Variants in USP6NL observed in about 807,000 individuals in gnomAD.
USP6NL encodes USP6 N-terminal like.
In USP6NL, 26 loss-of-function variants were observed where a neutral mutation model predicts 61.9. That is an observed-to-expected ratio of 0.42 (90% CI 0.31 to 0.58). The LOEUF (loss-of-function observed/expected upper bound fraction) is 0.58. Among genes scored for constraint, USP6NL ranks in the 20% least tolerant of loss-of-function variants. USP6NL has a pLI of 0.16. For synonymous variants in USP6NL, 432 were observed against 390.1 expected (o/e 1.11, Z -1.27); for missense variants, 1,114 against 1,034.3 (o/e 1.08, Z -1.06).
At chr10:11,563,444 C>T (rs1837016891) in intron 2 of USP6NL, 1 of 152,022 alleles carries the variant, frequency 6.6e-6, no homozygotes, top group Admixed American at 6.6e-5. Flanking sequence ...GTCACACATA[C>T]ACCACACACA....
intron 2 of USP6NL, among the ~76,000 whole-genome samples, chr10:11,543,077 G>A (rs895527091): frequency 4.6e-5 from 7 of 152,068 alleles, no homozygotes; most frequent in Non-Finnish European, 7.4e-5. Context: ...TACTACTAAC[G>A]TATCATTATT....
At chr10:11,542,851 G>T (rs755754675) in intron 2 of USP6NL, among the ~76,000 whole-genome samples, 4 of 152,164 alleles carry the variant, frequency 2.6e-5, no homozygotes, top group Non-Finnish European at 5.9e-5. Flanking sequence ...CAGCAGCTGC[G>T]TCGACAGTAA....
In USP6NL at chr10:11,463,392, G is replaced by A; in HGVS notation, c.1536C>T (p.His512=). 2 of 1,614,032 alleles carry A rather than the reference G, an allele frequency of 1.2e-6. No individual in the cohort carries two copies. The highest frequency in any genetic ancestry group is 1.7e-6 in the Non-Finnish European group (2 of 1,179,906). Residue 512 remains histidine, a synonymous_variant, in exon 15 of 15, where the codon CAC becomes CAT. Transcript: ENST00000609104. This position sits in a 1 kb window ranked among gnomAD's most constrained non-coding sequence, Gnocchi z 6.3. ...CTGGGACGGTAACTGCGAGCGCGGG[G>A]TGCGCTGCTCGACCTTTGCCTTCCA... is the stretch of plus-strand genomic sequence containing the variant. ...YTMEGKGRAA[H]PALAVTVPGP...
rs570827914 is a variant in USP6NL at position 11,559,687 on chromosome 10, G to C, written c.5-32120C>G. Among the ~76,000 whole-genome samples the C allele has an allele frequency of 1.2e-4, 19 of 152,220 alleles. No individual in the cohort carries two copies. In the South Asian group the frequency reaches 3.5e-3, roughly 28 times the overall value. On this transcript the variant is annotated intron_variant, in intron 2 of 14. Coordinates refer to ENST00000609104, the MANE Select transcript of USP6NL (RefSeq NM_014688.5). Reference sequence around the variant, plus strand: ...AATCACAAAGTACAACCTAAGCCTGGATCTAACATCTTATAAACATAAATT... The same window carrying C: ...AATCACAAAGTACAACCTAAGCCTGCATCTAACATCTTATAAACATAAATT...
intron 5 of USP6NL, among the ~76,000 whole-genome samples, chr10:11,517,540 A>G (rs1591876175): frequency 6.6e-6 from 1 of 152,334 alleles, no homozygotes; most frequent in South Asian, 2.1e-4. Flanking sequence ...CATAGTTGCT[A>G]TTCAATTATG....
At chr10:11,522,097 GT>G (rs1235686784) in intron 4 of USP6NL, among the ~76,000 whole-genome samples, 13 of 152,220 alleles carry the variant, frequency 8.5e-5, no homozygotes, top group Admixed American at 2.0e-4. Flanking sequence ...GCAGAGCTCA[GT>G]TGGTTTGGCA....
intron 4 of USP6NL, among the ~76,000 whole-genome samples, chr10:11,519,199 C>A (rs920280975): frequency 6.6e-6 from 1 of 152,108 alleles, no homozygotes; most frequent in African/African-American, 2.4e-5. Context: ...AGCTTGCCAC[C>A]CTCTGCTTTA....
Position 11,578,391 on chromosome 10 carries a change from C to T in USP6NL, c.4+19240G>A, listed in dbSNP as rs142633868. On this transcript the variant is annotated intron_variant, in intron 2 of 14. Coordinates refer to ENST00000609104, the MANE Select transcript of USP6NL (RefSeq NM_014688.5). ...AATCTTTAATAGAAGTGGTTCTAACCGGCATACTTTTCTACTTTTTTAATT... is the reference window on the plus strand; with the variant it reads ...AATCTTTAATAGAAGTGGTTCTAACTGGCATACTTTTCTACTTTTTTAATT... Among the ~76,000 whole-genome samples, 488 of 152,264 alleles carry T rather than the reference C, an allele frequency of 3.2e-3. 2 individuals carry two copies. Among genetic ancestry groups the T allele is most frequent in the African/African-American group, 0.011 (447 of 41,526 alleles).
intron 2 of USP6NL, among the ~76,000 whole-genome samples, chr10:11,558,016 T>A (rs1836780939): frequency 6.6e-6 from 1 of 152,142 alleles, no homozygotes; most frequent in Non-Finnish European, 1.5e-5. Context: ...TCAGGCAGCA[T>A]CAAAAGCCTA....
rs1461779142 is a variant in USP6NL at position 11,574,808 on chromosome 10, T to G, written c.4+22823A>C. Among the ~76,000 whole-genome samples the G allele has an allele frequency of 6.6e-6, 1 of 152,220 alleles. No homozygotes were observed. The highest frequency in any genetic ancestry group is 1.9e-4 in the East Asian group (1 of 5,202). ...TTAAAGGCTTGTTATTTTCCCATTT[T>G]TCAGCTGGACAACTGAGCACAGTGA... On this transcript the variant is annotated intron_variant, in intron 2 of 14. Coordinates refer to ENST00000609104, the MANE Select transcript of USP6NL (RefSeq NM_014688.5). The surrounding 1 kb of genome is among the most constrained non-coding windows in gnomAD (Gnocchi z 4.3).
At chr10:11,607,134 C>T (rs983815146) in intron 1 of USP6NL, among the ~76,000 whole-genome samples, 5 of 151,984 alleles carry the variant, frequency 3.3e-5, no homozygotes, top group African/African-American at 1.2e-4. Context: ...TATTATAGGC[C>T]AATTCATTAT....
At chr10:11,588,428 G>A (rs556501666) in intron 2 of USP6NL, among the ~76,000 whole-genome samples, 1 of 152,266 alleles carries the variant, frequency 6.6e-6, no homozygotes, top group African/African-American at 2.4e-5. Context: ...ATGGGAAAAG[G>A]AGCATGATAC....
Position 11,491,359 on chromosome 10 carries a change from T to A in USP6NL, c.495-479A>T, listed in dbSNP as rs1449713991. Among the ~76,000 whole-genome samples, 4 of 152,208 alleles carry A rather than the reference T, an allele frequency of 2.6e-5. No homozygotes were observed. The East Asian group carries it at 5.8e-4, about 22-fold the overall frequency. ...ATTCAAGGATCCAAGATTCAAAGGC[T>A]GCAAGTAGGAGTGGCTCCACTCATC... On this transcript the variant is annotated intron_variant, in intron 8 of 14. Transcript: ENST00000609104. The surrounding 1 kb of genome is among the most constrained non-coding windows in gnomAD (Gnocchi z 4.7).
In USP6NL at chr10:11,561,595, G is replaced by C. The variant is rs1292206468; in HGVS notation, c.5-34028C>G. ...TAATACTATTGTACTTCACTATATG[G>C]ATTTGCCATAATGCACTAACCTTTC... On this transcript the variant is annotated intron_variant, in intron 2 of 14. Transcript: ENST00000609104. The surrounding 1 kb of genome is among the most constrained non-coding windows in gnomAD (Gnocchi z 4.1). Among the ~76,000 whole-genome samples, 1 of 152,130 alleles carries C rather than the reference G, an allele frequency of 6.6e-6. No individual in the cohort carries two copies. The highest frequency in any genetic ancestry group is 1.5e-5 in the Non-Finnish European group (1 of 68,014).
At chr10:11,493,874 C>T (rs1049636065) in intron 7 of USP6NL, among the ~76,000 whole-genome samples, 4 of 151,352 alleles carry the variant, frequency 2.6e-5, no homozygotes, top group African/African-American at 9.7e-5. Flanking sequence ...GACCTCTGGG[C>T]CTGCTCCTGC....
intron 10 of USP6NL, among the ~76,000 whole-genome samples, chr10:11,486,966 T>C (rs1833495843): frequency 6.6e-6 from 1 of 152,134 alleles, no homozygotes; most frequent in South Asian, 2.1e-4. Flanking sequence ...TAGTTCTCAG[T>C]TTTCTAGGGT....
At position 11,481,696 on chromosome 10, in the gene USP6NL, C is replaced by CTG. The variant is rs1833205757; in HGVS notation, c.1078+73_1078+74insCA. Reference sequence around the variant, plus strand: ...TAATGCTTACGCTGTGGGCAAGAAACAGCCCATGTTAATTATGCCATGTCT... The same window carrying CTG: ...TAATGCTTACGCTGTGGGCAAGAAACTGAGCCCATGTTAATTATGCCATGTCT... On this transcript the variant is annotated intron_variant, in intron 14 of 14. Transcript: ENST00000609104. The surrounding 1 kb of genome is among the most constrained non-coding windows in gnomAD (Gnocchi z 4.4). The CTG allele has an allele frequency of 6.9e-7, 1 of 1,450,506 alleles. No homozygotes were observed. The highest frequency in any genetic ancestry group is 2.3e-5 in the East Asian group (1 of 43,044). The allele number at this position is 1,450,506 out of a possible 1,614,324, so 89.9% of individuals were successfully genotyped here.
Position 11,474,704 on chromosome 10 carries a change from T to A in USP6NL, c.1078+7066A>T, listed in dbSNP as rs996009095. Among the ~76,000 whole-genome samples, 24 of 152,092 alleles carry A rather than the reference T, an allele frequency of 1.6e-4. No individual in the cohort carries two copies. The highest frequency in any genetic ancestry group is 1.2e-3 in the East Asian group (6 of 5,184). On this transcript the variant is annotated intron_variant, in intron 14 of 14. Transcript: ENST00000609104. The surrounding 1 kb of genome is among the most constrained non-coding windows in gnomAD (Gnocchi z 4.9). Reference sequence around the variant, plus strand: ...ATTTGTCCTTGAATTAATGATTTTTTTTAAAAAAAACTTGCATCAACAAAT... The same window carrying A: ...ATTTGTCCTTGAATTAATGATTTTTATTAAAAAAAACTTGCATCAACAAAT...
rs778474845 is a variant in USP6NL at position 11,463,677 on chromosome 10, G to A, written c.1251C>T (p.His417=). 15 of 1,613,748 alleles carry A rather than the reference G, an allele frequency of 9.3e-6. No homozygotes were observed. The highest frequency in any genetic ancestry group is 1.2e-5 in the Non-Finnish European group (14 of 1,179,830). ...APHRRHEHSP[H]PQSRTGTPER... The stretch of plus-strand genomic sequence containing the variant: ...CGGGCGTCCCGGTCCTGCTCTGGGG[G>A]TGCGGGGAGTGCTCGTGCCTCCTGT... The change falls in exon 15 of 15, where the codon CAC becomes CAT. Residue 417 remains histidine (H), a synonymous_variant. Transcript: ENST00000609104. This position sits in a 1 kb window ranked among gnomAD's most constrained non-coding sequence, Gnocchi z 6.3.
Sources: gnomAD v4.1 joint callset for allele counts (sites outside exome capture counted in the v4.1 genomes callset) on GRCh38, gnomAD v4.1.1 for gene constraint, Gnocchi (gnomAD v3.1) non-coding constraint, MANE v1.5 for transcripts, NCBI Gene and HGNC (gene_info 2026-07-23, HGNC 2026-07-21) for gene names.